The following ERC1 variants were observed in gnomAD, a reference collection of about 807,000 sequenced individuals.
The protein encoded by ERC1 is RAB6 interacting protein 2.
In ERC1, 56 loss-of-function variants were observed where a neutral mutation model predicts 132.0. The ratio of observed to expected loss-of-function variants is 0.42; its 90% CI spans 0.34 to 0.53. The LOEUF is 0.53. Among genes scored for constraint, ERC1 ranks in the 20% least tolerant of loss-of-function variants. The pLI, the probability that ERC1 is intolerant of heterozygous loss-of-function variation, is 0.03. For missense variants in ERC1, 1,202 were observed against 1,349.9 expected (o/e 0.89, Z 1.72); for synonymous variants, 478 against 476.1 (o/e 1.00, Z -0.05).
chr12:998,282 A>G (rs374517935), intron 1 of ERC1: 3 of 152,238 alleles, frequency 2.0e-5, no homozygotes, highest in South Asian at 4.1e-4. Context: ...TGGCTATATA[A>G]CAAATTACCC....
At chr12:1,373,789 GA>G in intron 16 of ERC1, among the ~76,000 whole-genome samples, 1 of 145,410 alleles carries the variant, frequency 6.9e-6, no homozygotes, top group East Asian at 1.9e-4. Flanking sequence ...AAAAGAAAAA[GA>G]AGAAAAGAAA....
chr12:1,268,383 A>C (rs1371764365), intron 14 of ERC1, among the ~76,000 whole-genome samples: 1 of 152,232 alleles, frequency 6.6e-6, no homozygotes, highest in African/African-American at 2.4e-5. Context: ...CAAATGCCAC[A>C]TTAAGCACTG....
At chr12:1,338,434 A>G (rs977410538) in intron 15 of ERC1, among the ~76,000 whole-genome samples, 1 of 152,002 alleles carries the variant, frequency 6.6e-6, no homozygotes, top group Non-Finnish European at 1.5e-5. Flanking sequence ...GTCAGCTCCT[A>G]TATTGTTGTA....
intron 1 of ERC1, among the ~76,000 whole-genome samples, chr12:1,004,622 G>A (rs904448214): frequency 6.6e-6 from 1 of 151,842 alleles, no homozygotes; most frequent in Admixed American, 6.6e-5. Flanking sequence ...GGCCAGGCTG[G>A]TCTCAAACTC....
At chr12:1,390,762 T>C (rs1399046985) in intron 16 of ERC1, 1 of 152,242 alleles carries the variant, frequency 6.6e-6, no homozygotes, top group Non-Finnish European at 1.5e-5. Flanking sequence ...GGGACTGGAA[T>C]AGGTTGCCCT....
intron 2 of ERC1, among the ~76,000 whole-genome samples, chr12:1,028,851 C>A (rs1592790474): frequency 7.2e-6 from 1 of 139,114 alleles, no homozygotes; most frequent in African/African-American, 2.6e-5. Context: ...CATATGTTAT[C>A]TTTTTTTTTT....
chr12:1,493,738 G>A lies in ERC1; in HGVS notation c.*3508G>A, dbSNP rs1394466146. ...GACCCAAGGCCGCCTTCAGTGTCAA[G>A]AAGGGCATTGTGACTTGCCCCTCAA... On this transcript the variant is annotated 3_prime_UTR_variant, in exon 19 of 19. Coordinates refer to ENST00000360905, the MANE Select transcript of ERC1 (RefSeq NM_178040.4). The A allele has an allele frequency of 4.7e-6, 1 of 211,458 alleles. No individual in the cohort carries two copies. The highest frequency in any genetic ancestry group is 7.0e-5 in the East Asian group (1 of 14,268). 13.1% of individuals were successfully genotyped at this position (211,458 alleles called of 1,614,324 possible).
At chr12:1,253,592 C>T (rs2076597829) in intron 13 of ERC1, among the ~76,000 whole-genome samples, 1 of 152,060 alleles carries the variant, frequency 6.6e-6, no homozygotes, top group Non-Finnish European at 1.5e-5. Context: ...AGGAGAATTG[C>T]TTGAACCCAG....
intron 15 of ERC1, among the ~76,000 whole-genome samples, chr12:1,296,680 G>A (rs111522166): frequency 0.035 from 5,290 of 152,142 alleles, 103 homozygotes; most frequent in Middle Eastern, 0.075. Context: ...GATTACAGGC[G>A]TCAGCCACCG....
In ERC1 at chr12:1,400,914, G is replaced by GTTTTTT. The variant is rs1566774897; in HGVS notation, c.2926-7234_2926-7233insTTTTTT. 9.2e-3 allele frequency among the ~76,000 whole-genome samples: 102 copies of GTTTTTT among 11,128 alleles called. 3 individuals carry two copies. The highest frequency in any genetic ancestry group is 0.012 in the Non-Finnish European group (81 of 6,758). The allele number at this position is 11,128 out of a possible 152,430, so 7.3% of individuals were successfully genotyped here. ...ATTCAATATTGTTTTGGCTATTTTT[G>GTTTTTT]TATTTTTTTTTTTTTTTTTTTTTTT... is the stretch of plus-strand genomic sequence containing the variant. On this transcript the variant is annotated intron_variant, in intron 16 of 18. Coordinates refer to ENST00000360905, the MANE Select transcript of ERC1 (RefSeq NM_178040.4).
In ERC1 at chr12:1,478,799, AG is replaced by A. The variant is rs1454958230; in HGVS notation, c.3214-11293del. On this transcript the variant is annotated intron_variant, in intron 18 of 18. Transcript: ENST00000360905. ...GTGAGACTCTGTCTCAATAAAAAAA[AG>A]AGAGAGAGAGAGAGAGACAGAAATC... is the stretch of plus-strand genomic sequence containing the variant. Among the ~76,000 whole-genome samples the A allele has an allele frequency of 3.8e-3, 546 of 142,318 alleles. 7 individuals carry two copies. The highest frequency in any genetic ancestry group is 0.013 in the African/African-American group (469 of 37,184). The allele number at this position is 142,318 out of a possible 152,430, so 93.4% of individuals were successfully genotyped here.
intron 17 of ERC1, among the ~76,000 whole-genome samples, chr12:1,434,940 C>A (rs182743752): frequency 6.6e-6 from 1 of 152,256 alleles, no homozygotes; most frequent in Non-Finnish European, 1.5e-5. Flanking sequence ...CACGGCTTAA[C>A]GTTTCGAGAG....
In ERC1 at chr12:997,151, A is replaced by G. The variant is rs577656636; in HGVS notation, c.-157+5829A>G. On this transcript the variant is annotated intron_variant, in intron 1 of 18. Coordinates refer to ENST00000360905, the MANE Select transcript of ERC1 (RefSeq NM_178040.4). ...CCCAGGCACTATTTTAGAATAGCTT[A>G]TTTAAAAGATAGTTTTAGAAGCCTG... is the stretch of plus-strand genomic sequence containing the variant. Among the ~76,000 whole-genome samples the G allele has an allele frequency of 2.6e-5, 4 of 152,370 alleles. No individual in the cohort carries two copies. In the East Asian group the frequency reaches 7.7e-4, roughly 29 times the overall value.
At chr12:1,288,437 A>G (rs2079186339) in intron 14 of ERC1, among the ~76,000 whole-genome samples, 1 of 152,210 alleles carries the variant, frequency 6.6e-6, no homozygotes, top group Non-Finnish European at 1.5e-5. Flanking sequence ...TCTTATGGCA[A>G]CTGGGACTGT....
At chr12:1,120,638 T>C (rs1293843272) in intron 7 of ERC1, among the ~76,000 whole-genome samples, 1 of 152,220 alleles carries the variant, frequency 6.6e-6, no homozygotes, top group Non-Finnish European at 1.5e-5. Flanking sequence ...GAATTCTCAA[T>C]GTGCAGAGCA....
chr12:1,121,711 G>A lies in ERC1; in HGVS notation c.1569+5678G>A, dbSNP rs79550411. On this transcript the variant is annotated intron_variant, in intron 7 of 18. Transcript: ENST00000360905. ...TATCTCTATCTCTATCTCTATCTGTGTCTCTATCTCTATCTCTATCTCTAT... is the reference window on the plus strand; with the variant it reads ...TATCTCTATCTCTATCTCTATCTGTATCTCTATCTCTATCTCTATCTCTAT... 7.2e-3 allele frequency among the ~76,000 whole-genome samples: 291 copies of A among 40,496 alleles called. 13 individuals are homozygous for A. Among genetic ancestry groups the A allele is most frequent in the African/African-American group, 0.021 (221 of 10,414 alleles). The allele number at this position is 40,496 out of a possible 152,430, so 26.6% of individuals were successfully genotyped here.
At chr12:1,321,945 T>C (rs1052437749) in intron 15 of ERC1, among the ~76,000 whole-genome samples, 1 of 152,190 alleles carries the variant, frequency 6.6e-6, no homozygotes, top group African/African-American at 2.4e-5. Context: ...TTTTACTACT[T>C]CATTTTAAAA....
At chr12:1,233,470 CAAAAAAAAAAA>C (rs60542316) in intron 12 of ERC1, among the ~76,000 whole-genome samples, 1 of 71,502 alleles carries the variant, frequency 1.4e-5, no homozygotes, top group South Asian at 5.3e-4. Context: ...GACCCTGTCT[CAAAAAAAAAAA>C]AAAAAAAAAA....
chr12:1,325,721 C>A (rs1396624882), intron 15 of ERC1, among the ~76,000 whole-genome samples: 1 of 152,024 alleles, frequency 6.6e-6, no homozygotes, highest in Non-Finnish European at 1.5e-5. Flanking sequence ...ATAGAATAAA[C>A]AAAAATTTGT....
Sources: allele counts gnomAD v4.1 joint callset (sites outside exome capture counted in the v4.1 genomes callset), GRCh38; gene constraint gnomAD v4.1.1; transcripts MANE v1.5; gene names NCBI Gene and HGNC (gene_info 2026-07-23, HGNC 2026-07-21).